GRXCR1: variants seen among roughly 807,000 people sequenced by gnomAD.
The protein encoded by GRXCR1 is glutaredoxin and cysteine rich domain containing 1.
In GRXCR1, 27 loss-of-function variants were observed where a neutral mutation model predicts 27.3. The ratio of observed to expected loss-of-function variants is 0.99; its 90% CI spans 0.73 to 1.37. The LOEUF (loss-of-function observed/expected upper bound fraction) is 1.37. Among genes scored for constraint, GRXCR1 ranks in the 40% most tolerant of loss-of-function variants. GRXCR1 has a pLI of 0.00. For missense variants in GRXCR1, 379 were observed against 354.4 expected (o/e 1.07, Z -0.56); for synonymous variants, 122 against 131.1 (o/e 0.93, Z 0.47).
intron 2 of GRXCR1, among the ~76,000 whole-genome samples, chr4:43,009,514 C>T (rs1254648061): frequency 2.6e-5 from 4 of 151,998 alleles, no homozygotes; most frequent in African/African-American, 9.7e-5. Context: ...TAAAAAATGC[C>T]ATAAACTGGT....
chr4:43,020,416 T>G lies in GRXCR1; in HGVS notation c.690T>G (p.Ile230Met), dbSNP rs753637792. The G allele has an allele frequency of 2.5e-6, 4 of 1,601,042 alleles. No individual in the cohort carries two copies. The South Asian group carries it at 3.3e-5, about 13-fold the overall frequency. Residue 230 changes from isoleucine (I) to methionine (M), a missense_variant, in exon 3 of 4, where the codon ATT becomes ATG. Transcript: ENST00000399770. The stretch of plus-strand genomic sequence containing the variant: ...AACTGCAAGACATCCTAACCAAAAT[T>G]GAGGTAAATGTGCTTTCAGCAACTT... The part of the protein sequence containing the change: ...SGELQDILTK[I>M]ERVQHPHECP...
chr4:43,019,211 A>G (rs7662191), intron 2 of GRXCR1, among the ~76,000 whole-genome samples: 4,604 of 152,102 alleles, frequency 0.03, 73 homozygotes, highest in African/African-American at 0.037. Context: ...TTCCTAGCCT[A>G]TCTTTGTTTA....
chr4:42,898,153 A>G (rs894433541), intron 1 of GRXCR1, among the ~76,000 whole-genome samples: 11 of 152,020 alleles, frequency 7.2e-5, no homozygotes, highest in Admixed American at 3.9e-4. Context: ...TGTATCATGT[A>G]ATAAGACTAA....
chr4:42,932,431 C>T (rs1747333963), intron 1 of GRXCR1, among the ~76,000 whole-genome samples: 1 of 89,346 alleles, frequency 1.1e-5, no homozygotes, highest in South Asian at 4.9e-4. Flanking sequence ...CATTACTCCT[C>T]CAGAATTTGT....
rs760301343 is a variant in GRXCR1, at chr4:43,030,554, C to T, written c.*14C>T. The T allele has an allele frequency of 6.2e-7, 1 of 1,607,838 alleles. No individual in the cohort carries two copies. The highest frequency in any genetic ancestry group is 8.5e-7 in the Non-Finnish European group (1 of 1,174,410). ...TGTGCTGGTTAATTGGAGCTTCTAC[C>T]CAGGAAAAACCTCATTTTATTAATC... On this transcript the variant is annotated 3_prime_UTR_variant, in exon 4 of 4. Coordinates refer to ENST00000399770, the MANE Select transcript of GRXCR1 (RefSeq NM_001080476.3).
intron 2 of GRXCR1, among the ~76,000 whole-genome samples, chr4:42,998,668 TGACAGGAC>T (rs1340537326): frequency 6.6e-6 from 1 of 152,264 alleles, no homozygotes; most frequent in Non-Finnish European, 1.5e-5. Context: ...TGGCATTTCC[TGACAGGAC>T]ATCATCTGTC....
chr4:42,908,047 T>A (rs1577900778), intron 1 of GRXCR1, among the ~76,000 whole-genome samples: 3 of 151,982 alleles, frequency 2.0e-5, no homozygotes, highest in Middle Eastern at 3.4e-3. Context: ...TACAGGGGGG[T>A]CATCTCCTGA....
intron 1 of GRXCR1, among the ~76,000 whole-genome samples, chr4:42,925,524 C>T (rs375486484): frequency 8.6e-5 from 13 of 151,950 alleles, no homozygotes; most frequent in Admixed American, 2.0e-4. Context: ...CATTTTTTTC[C>T]GGCAATTTGG....
At chr4:43,027,577 A>T (rs1268897330) in intron 3 of GRXCR1, among the ~76,000 whole-genome samples, 1 of 152,230 alleles carries the variant, frequency 6.6e-6, no homozygotes, top group Admixed American at 6.5e-5. Context: ...TGGTGTCTGA[A>T]GTGCCACACA....
At chr4:42,951,784 T>C (rs1027339084) in intron 1 of GRXCR1, among the ~76,000 whole-genome samples, 1 of 152,196 alleles carries the variant, frequency 6.6e-6, no homozygotes, top group Admixed American at 6.5e-5. Flanking sequence ...CATCTGTTGT[T>C]TCTTGATTTT....
intron 1 of GRXCR1, among the ~76,000 whole-genome samples, chr4:42,940,575 CT>C (rs1747594875): frequency 1.3e-5 from 2 of 152,026 alleles, no homozygotes; most frequent in African/African-American, 4.8e-5. Flanking sequence ...TAAATTGTTA[CT>C]TTCTATGATT....
At chr4:42,921,529 C>T (rs1281701037) in intron 1 of GRXCR1, among the ~76,000 whole-genome samples, 2 of 151,990 alleles carry the variant, frequency 1.3e-5, no homozygotes, top group Non-Finnish European at 2.9e-5. Context: ...AATTCATGGG[C>T]AGAGTATGGG....
chr4:42,992,529 AG>A lies in GRXCR1; in HGVS notation c.628-27824del, dbSNP rs1256564251. On this transcript the variant is annotated intron_variant, in intron 2 of 3. Transcript: ENST00000399770. ...CAAATAATTTTAATTTTTGAATTAC[AG>A]TTTTCTTGCTTAGAACTCCAGTGTA... Among the ~76,000 whole-genome samples the A allele has an allele frequency of 6.6e-5, 10 of 152,190 alleles. No individual in the cohort carries two copies. The East Asian group carries it at 1.7e-3, about 26-fold the overall frequency.
At chr4:42,995,093 T>C (rs1253574983) in intron 2 of GRXCR1, among the ~76,000 whole-genome samples, 1 of 152,196 alleles carries the variant, frequency 6.6e-6, no homozygotes, top group African/African-American at 2.4e-5. Context: ...CCTTAGTCTA[T>C]ATACATAAAC....
chr4:42,979,818 A>G (rs1210709325), intron 2 of GRXCR1, among the ~76,000 whole-genome samples: 2 of 151,988 alleles, frequency 1.3e-5, no homozygotes, highest in African/African-American at 2.4e-5. Context: ...ATGATGAAAT[A>G]CTTTCTATTA....
At chr4:42,898,274 T>C (rs1362938685) in intron 1 of GRXCR1, among the ~76,000 whole-genome samples, 1 of 152,046 alleles carries the variant, frequency 6.6e-6, no homozygotes, top group African/African-American at 2.4e-5. Context: ...AAGGTTTTTT[T>C]TTCTGCAGAG....
At chr4:42,923,873 T>C (rs1229500962) in intron 1 of GRXCR1, among the ~76,000 whole-genome samples, 1 of 152,090 alleles carries the variant, frequency 6.6e-6, no homozygotes, top group Non-Finnish European at 1.5e-5. Context: ...TTCCCTTTTA[T>C]TCAGGTGGAA....
chr4:42,975,683 A>G (rs1293464479), intron 2 of GRXCR1, among the ~76,000 whole-genome samples: 1 of 152,090 alleles, frequency 6.6e-6, no homozygotes, highest in African/African-American at 2.4e-5. Context: ...ATCCTGTAGC[A>G]TTACCAGTAG....
chr4:42,959,768 A>G (rs968067597), intron 1 of GRXCR1, among the ~76,000 whole-genome samples: 1 of 151,892 alleles, frequency 6.6e-6, no homozygotes, highest in Non-Finnish European at 1.5e-5. Flanking sequence ...TCCAATCTTT[A>G]TCTAACTAGC....
Sources: allele counts gnomAD v4.1 joint callset (sites outside exome capture counted in the v4.1 genomes callset), GRCh38; gene constraint gnomAD v4.1.1; transcripts MANE v1.5; gene names NCBI Gene and HGNC (gene_info 2026-07-23, HGNC 2026-07-21).